Variants in IL1RAPL1 observed in about 807,000 individuals in gnomAD.
IL1RAPL1 encodes the protein interleukin-1 receptor accessory protein-like 1.
IL1RAPL1 carries 3 observed loss-of-function variants against 48.4 expected under a neutral mutation model. The observed-to-expected ratio is 0.06, with a 90% CI of 0.03 to 0.16. IL1RAPL1 has a LOEUF of 0.16. Ranked by LOEUF, IL1RAPL1 falls within the 10% of genes least tolerant of loss-of-function variation. IL1RAPL1 has a pLI of 1.00. For synonymous variants in IL1RAPL1, 185 were observed against 187.7 expected (o/e 0.99, Z 0.12); for missense variants, 349 against 530.6 (o/e 0.66, Z 3.36).
chrX:28,894,070 A>G (rs1381108207), intron 2 of IL1RAPL1, among the ~76,000 whole-genome samples: 1 of 111,979 alleles, frequency 8.9e-6, no homozygotes, highest in Non-Finnish European at 1.9e-5. Flanking sequence ...CTTTGGAAGT[A>G]AAGCGGCTTT....
chrX:28,940,115 G>T, intron 2 of IL1RAPL1, among the ~76,000 whole-genome samples: 1 of 111,363 alleles, frequency 9.0e-6, no homozygotes, highest in South Asian at 3.7e-4. Flanking sequence ...AACAGAAAAA[G>T]ATAAATAAGC....
At chrX:29,085,377 G>C (rs887655364) in intron 2 of IL1RAPL1, among the ~76,000 whole-genome samples, 6 of 110,816 alleles carry the variant, frequency 5.4e-5, no homozygotes, top group Admixed American at 4.8e-4. Context: ...AGGAGGAAAA[G>C]GAGAGGAATG....
chrX:29,049,122 C>A (rs1477586606), intron 2 of IL1RAPL1, among the ~76,000 whole-genome samples: 2 of 112,112 alleles, frequency 1.8e-5, no homozygotes, highest in Non-Finnish European at 3.8e-5. Flanking sequence ...CATGTCACTG[C>A]AACTCTGCAT....
At chrX:28,983,565 C>T (rs756975162) in intron 2 of IL1RAPL1, among the ~76,000 whole-genome samples, 15 of 112,033 alleles carry the variant, frequency 1.3e-4, no homozygotes, top group Non-Finnish European at 2.6e-4. Flanking sequence ...TTCCAATTTA[C>T]GCTAACATTG....
intron 2 of IL1RAPL1, among the ~76,000 whole-genome samples, chrX:29,230,529 A>AAAAAAAAAAC (rs869274263): frequency 4.4e-4 from 43 of 98,643 alleles, no homozygotes; most frequent in African/African-American, 1.6e-3. Context: ...AAAAAAAAAA[A>AAAAAAAAAAC]AAAAAACCTT....
Position 28,801,237 on chromosome X carries a change from T to C in IL1RAPL1, c.82+11812T>C, listed in dbSNP as rs774132239. Among the ~76,000 whole-genome samples, 5 of 111,449 alleles carry C rather than the reference T, an allele frequency of 4.5e-5. No individual in the cohort carries two copies. The South Asian group carries it at 1.9e-3, about 42-fold the overall frequency. On this transcript the variant is annotated intron_variant, in intron 2 of 10. Transcript: ENST00000378993. ...GTTTAGAAATTATGCTTTTTCTATT[T>C]AGGTAAAACGAGTATAAAACTTGTG...
chrX:28,697,417 G>A (rs2146928281), intron 1 of IL1RAPL1, among the ~76,000 whole-genome samples: 1 of 109,927 alleles, frequency 9.1e-6, no homozygotes, highest in Non-Finnish European at 1.9e-5. Context: ...TGTTTAAGAT[G>A]GATTTTCTTG....
At chrX:29,016,915 A>G (rs1926254538) in intron 2 of IL1RAPL1, among the ~76,000 whole-genome samples, 2 of 111,532 alleles carry the variant, frequency 1.8e-5, no homozygotes, top group South Asian at 7.4e-4. Context: ...TCCACAAGTT[A>G]TATTTTCCTA....
chrX:28,630,687 G>A (rs910277551), intron 1 of IL1RAPL1, among the ~76,000 whole-genome samples: 3 of 112,271 alleles, frequency 2.7e-5, no homozygotes, highest in African/African-American at 9.7e-5. Flanking sequence ...TAATTCTTGA[G>A]TGAAATAATT....
chrX:28,769,240 T>C (rs1442834605), intron 1 of IL1RAPL1, among the ~76,000 whole-genome samples: 1 of 110,790 alleles, frequency 9.0e-6, no homozygotes, highest in Non-Finnish European at 1.9e-5. Flanking sequence ...TTTCCAGCTA[T>C]ACATGGGAAA....
At chrX:29,524,641 A>C (rs771297808) in intron 5 of IL1RAPL1, among the ~76,000 whole-genome samples, 1 of 112,057 alleles carries the variant, frequency 8.9e-6, no homozygotes, top group Admixed American at 9.5e-5. Context: ...GTACATGAGC[A>C]AATGGAATTT....
At chrX:29,682,414 T>G (rs762932232) in intron 6 of IL1RAPL1, among the ~76,000 whole-genome samples, 1 of 110,968 alleles carries the variant, frequency 9.0e-6, no homozygotes, top group Non-Finnish European at 1.9e-5. Flanking sequence ...TCTCCTGCCT[T>G]TTTCCCTTGT....
At chrX:29,942,889 G>A (rs1218385201) in intron 9 of IL1RAPL1, among the ~76,000 whole-genome samples, 2 of 110,835 alleles carry the variant, frequency 1.8e-5, no homozygotes, top group Non-Finnish European at 3.8e-5. Context: ...CCAAAGTGCT[G>A]GGATTACAGG....
rs1002939286 is a variant in IL1RAPL1 at position 28,672,246 on chromosome X, GT to G, written c.-25+84205del. Among the ~76,000 whole-genome samples the G allele has an allele frequency of 9.8e-5, 11 of 111,703 alleles. 1 individual carries two copies. In the East Asian group the frequency reaches 3.1e-3, roughly 31 times the overall value. ...ATGTTAAAAAAAAAATAAAATTAGG[GT>G]TTTTTATATGACTGCTAAACATGAT... On this transcript the variant is annotated intron_variant, in intron 1 of 10. Transcript: ENST00000378993.
At chrX:29,230,029 G>A (rs931776976) in intron 2 of IL1RAPL1, among the ~76,000 whole-genome samples, 2 of 111,760 alleles carry the variant, frequency 1.8e-5, no homozygotes, top group African/African-American at 6.5e-5. Flanking sequence ...TTTAGCCTTC[G>A]TGCTAAATGA....
intron 5 of IL1RAPL1, among the ~76,000 whole-genome samples, chrX:29,511,719 G>A (rs894862397): frequency 1.8e-5 from 2 of 111,108 alleles, no homozygotes; most frequent in Non-Finnish European, 3.8e-5. Context: ...AAACGAGCCA[G>A]ATTTACATTA....
chrX:29,690,247 G>A (rs766022537), intron 6 of IL1RAPL1, among the ~76,000 whole-genome samples: 8 of 111,835 alleles, frequency 7.2e-5, no homozygotes, highest in Non-Finnish European at 1.3e-4. Context: ...GTTACACGAC[G>A]ATAGTACATT....
intron 5 of IL1RAPL1, among the ~76,000 whole-genome samples, chrX:29,449,778 C>G (rs61045016): frequency 0.1 from 5,847 of 57,302 alleles, 342 homozygotes; most frequent in African/African-American, 0.29. Flanking sequence ...CACACACACA[C>G]ACAGAGAGAG....
chrX:29,319,716 G>C (rs1201498985), intron 3 of IL1RAPL1, among the ~76,000 whole-genome samples: 2 of 109,892 alleles, frequency 1.8e-5, no homozygotes, highest in Non-Finnish European at 3.8e-5. Context: ...AAAGCTCAAT[G>C]GGTGTTCCCA....
Sources: allele counts gnomAD v4.1 joint callset (sites outside exome capture counted in the v4.1 genomes callset), GRCh38; gene constraint gnomAD v4.1.1; transcripts MANE v1.5; gene names NCBI Gene and HGNC (gene_info 2026-07-23, HGNC 2026-07-21).